The following UBR4 variants were observed in gnomAD, a reference collection of about 807,000 sequenced individuals.
The protein encoded by UBR4 is ubiquitin protein ligase E3 component n-recognin 4.
A neutral mutation model predicts 575.6 loss-of-function variants in UBR4; 124 were observed. The observed-to-expected ratio is 0.22, with a 90% confidence interval of 0.19 to 0.25. The LOEUF (loss-of-function observed/expected upper bound fraction) is 0.25, where lower values mean the gene tolerates loss of function less well. UBR4 is among the 10% of genes least tolerant of loss of function. The pLI, the probability that UBR4 is intolerant of heterozygous loss-of-function variation, is 1.00. For synonymous variants in UBR4, 2,455 were observed against 2,473.7 expected, an observed-to-expected ratio of 0.99 and a Z score of 0.22; for missense variants, 4,818 against 6,478.8, an observed-to-expected ratio of 0.74 and a Z score of 8.80.
chr1:19,183,940 A>G (rs367611658), intron 16 of UBR4, 44 bp from the exon 17 acceptor site: 3 of 1,613,784 alleles, frequency 1.9e-6, no homozygotes, highest in Non-Finnish European at 2.5e-6. Flanking sequence ...CAGCTATTGA[A>G]TGCACCACAC....
chr1:19,173,512 C>T lies in UBR4; in HGVS notation c.3092G>A (p.Ser1031Asn). ...CAGAGTGTGCAAGATGTCACATTCG[C>T]TCATCTCAGGTGAGTTCATGGATAG... ...NQLSMNSPEM[S>N]ECDILHTLRW... Residue 1031 changes from serine to asparagine, a missense_variant, in exon 23 of 106, where the codon AGC becomes AAC. Physicochemically the swap from Ser to Asn is conservative, Grantham distance 46. This residue lies in a region of UBR4 where 1,172 missense variants were observed against 1,259.7 expected (regional missense o/e 0.93). Coordinates refer to ENST00000375254, the MANE Select transcript of UBR4 (RefSeq NM_020765.3). 6.2e-7 allele frequency: 1 copy of T among 1,614,142 alleles called. No homozygotes were observed. The highest frequency in any genetic ancestry group is 8.5e-7 in the Non-Finnish European group (1 of 1,180,012).
rs146021056 is a variant in UBR4, at chr1:19,156,303, C to T, written c.6040G>A (p.Glu2014Lys). 5.9e-5 allele frequency: 95 copies of T among 1,614,038 alleles called. No homozygotes were observed. Among genetic ancestry groups the T allele is most frequent in the Non-Finnish European group, 7.9e-5 (93 of 1,180,014 alleles). The change falls in exon 42 of 106, where the codon GAG becomes AAG. Residue 2014 changes from glutamate (E) to lysine (K), a missense_variant. Coordinates refer to ENST00000375254, the MANE Select transcript of UBR4 (RefSeq NM_020765.3). ...AAGTCTGCGGTGACAATTGCTAACT[C>T]GGTCTGTGAACCAGGTAACCACACG... ...KAVWLPGSQT[E>K]LAIVTADFVK...
rs1010207342 is a variant in UBR4, at chr1:19,161,043, G to A, written c.5280C>T (p.Ser1760=). The A allele has an allele frequency of 3.1e-6, 5 of 1,614,042 alleles. No homozygotes were observed. Among genetic ancestry groups the A allele is most frequent in the Admixed American group, 1.7e-5 (1 of 60,002 alleles). Residue 1760 remains serine (S), a synonymous_variant, in exon 38 of 106, where the codon AGC becomes AGT. Transcript: ENST00000375254. ...RISESLVRHA[S]TSSPADKAKV... ...TGGCTTTGTCAGCTGGCGAGGAGGT[G>A]CTGGCATGACGCACTAGACTCTCTG...
Position 19,150,653 on chromosome 1 carries a change from T to C in UBR4, c.7354A>G (p.Asn2452Asp), listed in dbSNP as rs370000680. The C allele has an allele frequency of 3.9e-5, 63 of 1,613,970 alleles. No homozygotes were observed. The highest frequency in any genetic ancestry group is 5.2e-5 in the Non-Finnish European group (61 of 1,180,020). ...SASVSNICPS[N>D]LNQSNGTGDS... ...CCAGTGCCGTTGCTCTGGTTCAGAT[T>C]TGAAGGGCAGATGTTGCTGACAGAG... The change falls in exon 49 of 106, where the codon AAT (asparagine) becomes GAT (aspartate). Residue 2452 changes from asparagine to aspartate, a missense_variant. By Grantham distance (23) the Asn-to-Asp change is conservative. Transcript: ENST00000375254.
intron 102 of UBR4, among the ~76,000 whole-genome samples, chr1:19,082,861 G>A (rs1195605865): frequency 6.6e-6 from 1 of 152,188 alleles, no homozygotes; most frequent in African/African-American, 2.4e-5. Context: ...TGGCCATGCT[G>A]TGACATACTT....
intron 60 of UBR4, among the ~76,000 whole-genome samples, chr1:19,137,747 C>T (rs190475915): frequency 3.0e-3 from 451 of 152,270 alleles, no homozygotes; most frequent in African/African-American, 9.7e-3. Context: ...ATGACAATCA[C>T]TTTACAGTTA....
intron 86 of UBR4, 39 bp downstream of exon 86, chr1:19,104,546 T>A (rs74535919): frequency 2.5e-6 from 4 of 1,608,026 alleles, no homozygotes; most frequent in Non-Finnish European, 2.6e-6. Context: ...CCTAAACAGA[T>A]TCAGGATGCC....
intron 26 of UBR4, 34 bp downstream of exon 26, chr1:19,170,725 GTAA>G (rs1385653238): frequency 3.1e-6 from 5 of 1,613,996 alleles, no homozygotes; most frequent in Non-Finnish European, 4.2e-6. Context: ...AGTAGCTGTT[GTAA>G]TAATATTACT....
intron 103 of UBR4, 77 bp from the exon 104 acceptor site, chr1:19,078,143 A>T: frequency 6.9e-7 from 1 of 1,458,176 alleles, no homozygotes; most frequent in Non-Finnish European, 9.5e-7. Context: ...GCATGCTGGG[A>T]GCAAGGGAAG....
intron 49 of UBR4, among the ~76,000 whole-genome samples, chr1:19,150,005 T>C (rs2085435518): frequency 6.6e-6 from 1 of 152,046 alleles, no homozygotes; most frequent in Non-Finnish European, 1.5e-5. Flanking sequence ...AAATCTTACA[T>C]CATGAATTAT....
intron 59 of UBR4, among the ~76,000 whole-genome samples, chr1:19,138,813 G>A (rs565311526): frequency 3.9e-5 from 6 of 152,152 alleles, no homozygotes; most frequent in African/African-American, 1.4e-4. Flanking sequence ...AAAGACTTAC[G>A]CATGTCATTG....
At chr1:19,190,317 A>AT in intron 11 of UBR4, among the ~76,000 whole-genome samples, 1 of 118,666 alleles carries the variant, frequency 8.4e-6, no homozygotes, top group Non-Finnish European at 1.9e-5. Context: ...AAAAAAATAT[A>AT]TATATATATA....
At chr1:19,150,534 G>A in intron 49 of UBR4, 43 bp downstream of exon 49, 1 of 1,594,352 alleles carries the variant, frequency 6.3e-7, no homozygotes, top group Non-Finnish European at 8.6e-7. Flanking sequence ...TGCAGTGAGT[G>A]GAATATGTAA....
chr1:19,150,184 G>A (rs1163770232), intron 49 of UBR4, among the ~76,000 whole-genome samples: 1 of 152,138 alleles, frequency 6.6e-6, no homozygotes, highest in Non-Finnish European at 1.5e-5. Context: ...AAGTAGCTAC[G>A]CAGAGAAAGA....
At chr1:19,188,629 G>T (rs565620597) in intron 11 of UBR4, among the ~76,000 whole-genome samples, 136 of 152,190 alleles carry the variant, frequency 8.9e-4, no homozygotes, top group Non-Finnish European at 1.6e-3. Flanking sequence ...ATAACAAAAG[G>T]TTAATATATA....
chr1:19,156,653 G>T (rs992254514), intron 41 of UBR4, 114 bp downstream of exon 41: 5 of 1,447,182 alleles, frequency 3.5e-6, no homozygotes, highest in Middle Eastern at 2.4e-4. Flanking sequence ...CATTTCAGTA[G>T]GTTTTAAATT....
At chr1:19,098,811 A>G (rs1457204881) in intron 90 of UBR4, among the ~76,000 whole-genome samples, 1 of 152,244 alleles carries the variant, frequency 6.6e-6, no homozygotes, top group African/African-American at 2.4e-5. Flanking sequence ...TTTGGGACCA[A>G]GTCTAGAAAA....
intron 77 of UBR4, chr1:19,113,174 C>A: frequency 3.1e-6 from 1 of 318,458 alleles, no homozygotes; most frequent in South Asian, 5.0e-5. Flanking sequence ...AAAGATGGCA[C>A]TCCAGCAATT....
rs200570306 is a variant in UBR4, at chr1:19,081,609, G to T, written c.15009-36C>A. On this transcript the variant is annotated intron_variant, in intron 102 of 105. Coordinates refer to ENST00000375254, the MANE Select transcript of UBR4 (RefSeq NM_020765.3). Reference sequence around the variant, plus strand: ...AGCGGCATGATAAAATAAAAGCAGGGTGGAAGCAGGACCCGGCAGCAAGAG... The same window carrying T: ...AGCGGCATGATAAAATAAAAGCAGGTTGGAAGCAGGACCCGGCAGCAAGAG... 27 of 1,610,164 alleles carry T rather than the reference G, an allele frequency of 1.7e-5. No individual in the cohort carries two copies. In the South Asian group the frequency reaches 3.0e-4, roughly 18 times the overall value.
Sources: gnomAD v4.1 joint callset for allele counts (sites outside exome capture counted in the v4.1 genomes callset) on GRCh38, gnomAD v4.1.1 for gene constraint, gnomAD v4.1.1 regional missense constraint, MANE v1.5 for transcripts, NCBI Gene and HGNC (gene_info 2026-07-23, HGNC 2026-07-21) for gene names.